Variants in RELB observed in about 807,000 individuals in gnomAD.
RELB encodes RELB proto-oncogene, NF-kB subunit, also known as transcription factor RelB.
Under a neutral mutation model 55.4 loss-of-function variants are expected in RELB, and 14 were observed. The observed-to-expected ratio is 0.25, with a 90% CI of 0.17 to 0.40. The LOEUF (loss-of-function observed/expected upper bound fraction) is 0.40. Ranked by LOEUF, RELB falls within the 10% of genes least tolerant of loss-of-function variation. The pLI, the probability that RELB is intolerant of heterozygous loss-of-function variation, is 1.00. For synonymous variants in RELB, 409 were observed against 371.3 expected, an observed-to-expected ratio of 1.10 and a Z score of -1.17; for missense variants, 669 against 830.7, an observed-to-expected ratio of 0.81 and a Z score of 2.39.
intron 1 of RELB, among the ~76,000 whole-genome samples, chr19:45,001,915 G>A (rs1971216047): frequency 6.6e-6 from 1 of 152,144 alleles, no homozygotes; most frequent in Non-Finnish European, 1.5e-5. Flanking sequence ...AGAGGGGGCG[G>A]GGCCTGACCC....
At chr19:45,015,734 C>CAAA (rs768567865) in intron 4 of RELB, among the ~76,000 whole-genome samples, 32 of 73,452 alleles carry the variant, frequency 4.4e-4, no homozygotes, top group African/African-American at 1.6e-3. Flanking sequence ...GATGCTATCT[C>CAAA]AAAAAAAAAA....
chr19:45,011,756 CTGTG>C lies in RELB; in HGVS notation c.164-141_164-138del, dbSNP rs199579874. The stretch of plus-strand genomic sequence containing the variant: ...GCCACCGCACCTGGCCTCCCTGACT[CTGTG>C]TGTGTGTGTGTGTGTGTGTGTGTGT... On this transcript the variant is annotated intron_variant, in intron 3 of 11. Coordinates refer to ENST00000221452, the MANE Select transcript of RELB (RefSeq NM_006509.4). Among the ~76,000 whole-genome samples the C allele has an allele frequency of 6.0e-4, 36 of 59,908 alleles. 1 individual carries two copies. The highest frequency in any genetic ancestry group is 2.1e-3 in the African/African-American group (34 of 16,170). 39.3% of individuals were successfully genotyped at this position (59,908 alleles called of 152,430 possible).
At chr19:45,031,147 C>T (rs1165739466) in intron 8 of RELB, among the ~76,000 whole-genome samples, 1 of 151,758 alleles carries the variant, frequency 6.6e-6, no homozygotes, top group Non-Finnish European at 1.5e-5. Context: ...CATCATGAAT[C>T]CTGACTCTTC....
chr19:45,005,805 T>C (rs887323377), intron 2 of RELB, among the ~76,000 whole-genome samples: 1 of 152,178 alleles, frequency 6.6e-6, no homozygotes, highest in Non-Finnish European at 1.5e-5. Context: ...GGTTTTGCCA[T>C]GTTGGCCAGG....
intron 1 of RELB, among the ~76,000 whole-genome samples, chr19:45,002,001 G>GCCGGGC (rs1971217695): frequency 6.6e-6 from 1 of 151,668 alleles, no homozygotes; most frequent in African/African-American, 2.4e-5. Flanking sequence ...TCGGGGCGGG[G>GCCGGGC]CCGGGCCCAG....
chr19:45,014,905 T>A (rs1455913198), intron 4 of RELB, among the ~76,000 whole-genome samples: 1 of 15,870 alleles, frequency 6.3e-5, no homozygotes, highest in African/African-American at 2.7e-4. Context: ...GATTCAGGAT[T>A]TTTTTTTTTT....
chr19:45,025,432 C>G lies in RELB; in HGVS notation c.754+12C>G, dbSNP rs1299257772. 2 of 1,605,784 alleles carry G rather than the reference C, an allele frequency of 1.2e-6. No individual in the cohort carries two copies. The highest frequency in any genetic ancestry group is 1.7e-6 in the Non-Finnish European group (2 of 1,175,192). The stretch of plus-strand genomic sequence containing the variant: ...TGACCCCTACAACGGTGAGCACCCC[C>G]TGCCTGACCTGACCATCCCGTCCTC... On this transcript the variant is annotated intron_variant, in intron 6 of 11. Transcript: ENST00000221452.
intron 5 of RELB, 84 bp from the exon 6 acceptor site, chr19:45,025,245 A>G (rs1971543304): frequency 4.5e-6 from 4 of 893,722 alleles, no homozygotes; most frequent in Admixed American, 4.1e-5. Context: ...GCCCCACAGC[A>G]GCATCTGCCA....
intron 7 of RELB, among the ~76,000 whole-genome samples, chr19:45,026,812 A>G (rs1971563864): frequency 6.6e-6 from 1 of 152,158 alleles, no homozygotes. Flanking sequence ...CCCTCTATAG[A>G]GGGATACAGG....
At chr19:45,019,947 A>G (rs976479354) in intron 4 of RELB, among the ~76,000 whole-genome samples, 1 of 150,834 alleles carries the variant, frequency 6.6e-6, no homozygotes, top group Admixed American at 6.6e-5. Flanking sequence ...CAAACTCCCA[A>G]CCTCAGGTGA....
intron 4 of RELB, among the ~76,000 whole-genome samples, chr19:45,014,080 T>C (rs150288448): frequency 6.6e-6 from 1 of 152,114 alleles, no homozygotes; most frequent in East Asian, 1.9e-4. Context: ...TTTCCCTTTG[T>C]AATGAATTGG....
At chr19:45,025,220 C>A (rs947221177) in intron 5 of RELB, 109 bp from the exon 6 acceptor site, 2 of 745,690 alleles carry the variant, frequency 2.7e-6, no homozygotes, top group African/African-American at 3.5e-5. Context: ...GGGATGTCAG[C>A]CCCTGAGAGC....
chr19:45,002,599 C>G (rs1229417190), intron 1 of RELB, among the ~76,000 whole-genome samples: 1 of 152,114 alleles, frequency 6.6e-6, no homozygotes, highest in African/African-American at 2.4e-5. Flanking sequence ...GTGATCCGCA[C>G]GCCTCGGCCT....
At chr19:45,023,268 G>A (rs1327799233) in intron 5 of RELB, among the ~76,000 whole-genome samples, 1 of 152,004 alleles carries the variant, frequency 6.6e-6, no homozygotes, top group African/African-American at 2.4e-5. Flanking sequence ...ATCAGTAATG[G>A]GTGAGAGCAC....
intron 8 of RELB, among the ~76,000 whole-genome samples, chr19:45,031,122 T>C (rs111544400): frequency 0.011 from 1,710 of 152,186 alleles, 39 homozygotes; most frequent in African/African-American, 0.039. Context: ...GAAAAATAAA[T>C]AGCAGGCAGA....
At chr19:45,036,324 C>T (rs1331572789) in intron 11 of RELB, among the ~76,000 whole-genome samples, 7 of 152,198 alleles carry the variant, frequency 4.6e-5, no homozygotes, top group African/African-American at 1.7e-4. Context: ...CTGCCCGCCT[C>T]GGCCTGCCAA....
At chr19:45,018,297 G>A (rs1012580167) in intron 4 of RELB, among the ~76,000 whole-genome samples, 5 of 152,026 alleles carry the variant, frequency 3.3e-5, no homozygotes, top group Admixed American at 1.3e-4. Flanking sequence ...CCAGCTACTC[G>A]AGAGGCTGAG....
chr19:45,001,673 C>A lies in RELB; in HGVS notation c.94C>A (p.Leu32Met). ...CGCCAGACCGCCGGCTGCGCCGGAG[C>A]TGGGGGCCTTAGGTAAGCGGGGCTG... is the stretch of plus-strand genomic sequence containing the variant. ...RVARPPAAPE[L>M]GALGSPDLSS... is the part of the protein sequence containing the mutation. The change falls in exon 1 of 12, where the codon CTG becomes ATG. Residue 32 changes from leucine to methionine, a missense_variant. Transcript: ENST00000221452. 6.6e-7 allele frequency: 1 copy of A among 1,520,958 alleles called. No individual in the cohort carries two copies. The allele number at this position is 1,520,958 out of a possible 1,614,324, so 94.2% of individuals were successfully genotyped here. A position where few individuals can be genotyped will look rare whatever the true frequency, so the allele number is the denominator to read the frequency against.
intron 4 of RELB, among the ~76,000 whole-genome samples, chr19:45,019,028 T>G (rs1971453321): frequency 6.6e-6 from 1 of 152,088 alleles, no homozygotes; most frequent in African/African-American, 2.4e-5. Flanking sequence ...TCATTCTGTC[T>G]CCGCACAGCC....
Sources: gnomAD v4.1 joint callset for allele counts (sites outside exome capture counted in the v4.1 genomes callset) on GRCh38, gnomAD v4.1.1 for gene constraint, MANE v1.5 for transcripts, NCBI Gene and HGNC (gene_info 2026-07-23, HGNC 2026-07-21) for gene names.